Variants in RP1 observed in about 807,000 individuals in gnomAD.
RP1 encodes oxygen-regulated protein 1.
A neutral mutation model predicts 14.8 loss-of-function variants in RP1; 16 were observed. That is an observed-to-expected ratio of 1.08 (90% CI 0.73 to 1.65). RP1 has a LOEUF of 1.65. Ranked by LOEUF, RP1 falls within the 40% of genes most tolerant of loss-of-function variation. The pLI is 0.00. For synonymous variants in RP1, 876 were observed against 883.6 expected (o/e 0.99, Z 0.15); for missense variants, 2,631 against 2,535.0 (o/e 1.04, Z -0.81).
intron 23 of RP1, among the ~76,000 whole-genome samples, chr8:54,779,141 G>T (rs946249152): frequency 5.9e-5 from 9 of 152,088 alleles, no homozygotes; most frequent in African/African-American, 1.7e-4. Context: ...CAGGGCTCTT[G>T]GTCTTTTTAG....
At chr8:54,780,205 G>A (rs569487187) in intron 23 of RP1, among the ~76,000 whole-genome samples, 11 of 152,340 alleles carry the variant, frequency 7.2e-5, no homozygotes, top group African/African-American at 2.6e-4. Context: ...TGAGCATGGC[G>A]TCATTCCAAT....
intron 1 of RP1, among the ~76,000 whole-genome samples, chr8:54,602,930 G>A (rs961570901): frequency 6.6e-5 from 10 of 152,188 alleles, no homozygotes; most frequent in African/African-American, 2.2e-4. Context: ...GTAGATTCTG[G>A]ATATTAGCCC....
At chr8:54,803,927 G>A (rs758474136) in intron 24 of RP1, among the ~76,000 whole-genome samples, 2 of 151,942 alleles carry the variant, frequency 1.3e-5, no homozygotes, top group Non-Finnish European at 2.9e-5. Context: ...AATTAGCTGG[G>A]CCTGGTGGCA....
At chr8:54,862,676 G>T (rs1416197227) in intron 27 of RP1, among the ~76,000 whole-genome samples, 1 of 152,086 alleles carries the variant, frequency 6.6e-6, no homozygotes, top group Non-Finnish European at 1.5e-5. Flanking sequence ...CCTCTCCTCT[G>T]TGTGGTCAGA....
chr8:54,822,674 T>A (rs1811285887), intron 24 of RP1, among the ~76,000 whole-genome samples: 1 of 152,232 alleles, frequency 6.6e-6, no homozygotes, highest in South Asian at 2.1e-4. Context: ...TATAGAGAAC[T>A]ACGCAGAGTA....
At chr8:54,861,985 C>T (rs1812353064) in intron 27 of RP1, among the ~76,000 whole-genome samples, 1 of 152,122 alleles carries the variant, frequency 6.6e-6, no homozygotes, top group Non-Finnish European at 1.5e-5. Context: ...GCCCTAGGGA[C>T]ATTTGACAAT....
At position 54,626,402 on chromosome 8, in the gene RP1, A is replaced by G. The variant is rs368447697; in HGVS notation, c.2520A>G (p.Ala840=). ...ATTTTTATGCACCGCAATCTCAAGCAGAAGTGGCATCTGGGTATTTGAGAG... is the reference window on the plus strand; with the variant it reads ...ATTTTTATGCACCGCAATCTCAAGCGGAAGTGGCATCTGGGTATTTGAGAG... ...PKDFYAPQSQ[A]EVASGYLRGM... is the part of the protein sequence containing the mutation. Residue 840 remains alanine (A), a synonymous_variant, in exon 4 of 4, where the codon GCA becomes GCG. Transcript: ENST00000220676. 3 of 1,613,584 alleles carry G rather than the reference A, an allele frequency of 1.9e-6. No homozygotes were observed. In the African/African-American group the frequency reaches 4.0e-5, roughly 22 times the overall value.
intron 23 of RP1, among the ~76,000 whole-genome samples, chr8:54,783,164 A>G (rs1171373938): frequency 2.0e-5 from 3 of 152,174 alleles, no homozygotes; most frequent in Non-Finnish European, 4.4e-5. Flanking sequence ...TCTCTAGTAC[A>G]GATGATGCCT....
At position 54,629,747 on chromosome 8, in the gene RP1, A is replaced by G. The variant is rs1806196806; in HGVS notation, c.5865A>G (p.Ile1955Met). 1 of 1,611,290 alleles carries G rather than the reference A, an allele frequency of 6.2e-7. No homozygotes were observed. Among genetic ancestry groups the G allele is most frequent in the Non-Finnish European group, 8.5e-7 (1 of 1,178,606 alleles). ...NFLGFYLWMK[I>M]HPYLLQTDKN... Reference sequence around the variant, plus strand: ...TGGGTTTTTATTTATGGATGAAAATACACCCATATTTACTTCAGACAGACA... The same window carrying G: ...TGGGTTTTTATTTATGGATGAAAATGCACCCATATTTACTTCAGACAGACA... The change falls in exon 4 of 4, where the codon ATA becomes ATG. Residue 1955 changes from isoleucine (I) to methionine (M), a missense_variant. Ile to Met is a conservative substitution (Grantham distance 10). Transcript: ENST00000220676.
chr8:54,630,547 G>T lies in RP1; in HGVS notation c.*194G>T. 1 of 1,375,160 alleles carries T rather than the reference G, an allele frequency of 7.3e-7. No individual in the cohort carries two copies. The highest frequency in any genetic ancestry group is 9.4e-7 in the Non-Finnish European group (1 of 1,068,236). The allele number at this position is 1,375,160 out of a possible 1,614,324, so 85.2% of individuals were successfully genotyped here. A position where few individuals can be genotyped will look rare whatever the true frequency, so the allele number is the denominator to read the frequency against. ...GTTTTTTGTTTTTCCAACAATTACA[G>T]ACTCAGGTTCTCTTATTTTGGAAGT... On this transcript the variant is annotated 3_prime_UTR_variant, in exon 4 of 4. Transcript: ENST00000220676.
At chr8:54,581,162 C>T (rs919607369) in intron 1 of RP1, among the ~76,000 whole-genome samples, 7 of 151,946 alleles carry the variant, frequency 4.6e-5, no homozygotes, top group Admixed American at 3.3e-4. Context: ...CCCCTTCCCC[C>T]ACCCCACAAC....
At chr8:54,687,094 T>A (rs1807581467) in intron 12 of RP1, among the ~76,000 whole-genome samples, 1 of 152,170 alleles carries the variant, frequency 6.6e-6, no homozygotes. Context: ...TTTTCTTTTT[T>A]TATTATTAAA....
intron 26 of RP1, among the ~76,000 whole-genome samples, chr8:54,854,667 C>G (rs1162334563): frequency 2.0e-5 from 3 of 152,082 alleles, no homozygotes; most frequent in Non-Finnish European, 2.9e-5. Flanking sequence ...GAGTTCGAGA[C>G]CAGCCTGGCC....
At chr8:54,596,797 AT>A (rs1805158553) in intron 1 of RP1, among the ~76,000 whole-genome samples, 1 of 152,218 alleles carries the variant, frequency 6.6e-6, no homozygotes, top group African/African-American at 2.4e-5. Context: ...GATTAAATAA[AT>A]TACCCATCTC....
chr8:54,760,145 C>G (rs745543640), intron 22 of RP1, among the ~76,000 whole-genome samples: 1 of 152,194 alleles, frequency 6.6e-6, no homozygotes, highest in Non-Finnish European at 1.5e-5. Context: ...TGAACAGAAG[C>G]GGTGAGATCA....
chr8:54,836,408 C>T (rs1205523776), intron 24 of RP1, among the ~76,000 whole-genome samples: 1 of 152,152 alleles, frequency 6.6e-6, no homozygotes, highest in Non-Finnish European at 1.5e-5. Context: ...AATTAGCTGA[C>T]CTTAAAATAG....
At chr8:54,838,139 T>G (rs557349982) in intron 25 of RP1, among the ~76,000 whole-genome samples, 1 of 152,358 alleles carries the variant, frequency 6.6e-6, no homozygotes, top group East Asian at 1.9e-4. Context: ...AGAATAGATG[T>G]GTGTGTTCAG....
intron 1 of RP1, among the ~76,000 whole-genome samples, chr8:54,588,649 A>G (rs1176198626): frequency 6.6e-6 from 1 of 152,218 alleles, no homozygotes; most frequent in Non-Finnish European, 1.5e-5. Flanking sequence ...GCGCAGGCAT[A>G]GGGAAATAAG....
intron 24 of RP1, among the ~76,000 whole-genome samples, chr8:54,789,810 G>A (rs1214965036): frequency 1.3e-5 from 2 of 152,158 alleles, no homozygotes; most frequent in Non-Finnish European, 2.9e-5. Context: ...TGACTGTGGA[G>A]CACAGCAACA....
Sources: gnomAD v4.1 joint callset for allele counts (sites outside exome capture counted in the v4.1 genomes callset) on GRCh38, gnomAD v4.1.1 for gene constraint, MANE v1.5 for transcripts, NCBI Gene and HGNC (gene_info 2026-07-23, HGNC 2026-07-21) for gene names.